GRIK1: variants seen among roughly 807,000 people sequenced by gnomAD.
The protein encoded by GRIK1 is glutamate ionotropic receptor kainate type subunit 1, also known as glutamate receptor ionotropic, kainate 1.
In GRIK1, 69 loss-of-function variants were observed where a neutral mutation model predicts 105.7. That is an observed-to-expected ratio of 0.65 (90% confidence interval 0.54 to 0.80). GRIK1 has a LOEUF of 0.80. GRIK1 is among the 30% of genes least tolerant of loss of function. The pLI, the probability that GRIK1 is intolerant of heterozygous loss-of-function variation, is 0.00. For missense variants in GRIK1, 1,109 were observed against 1,167.3 expected (o/e 0.95, Z 0.73); for synonymous variants, 438 against 431.3 (o/e 1.02, Z -0.19).
chr21:29,780,856 A>T (rs190041286), intron 1 of GRIK1, among the ~76,000 whole-genome samples: 26 of 152,314 alleles, frequency 1.7e-4, no homozygotes, highest in African/African-American at 6.3e-4. Context: ...AGTAAAAATG[A>T]TTAGAGACAA....
At chr21:29,758,795 A>G (rs967372804) in intron 1 of GRIK1, 1 of 152,686 alleles carries the variant, frequency 6.5e-6, no homozygotes, top group African/African-American at 2.4e-5. Flanking sequence ...GTTTAGTGAG[A>G]TAATGGACCC....
At chr21:29,755,822 C>T (rs912407632) in intron 1 of GRIK1, among the ~76,000 whole-genome samples, 1 of 152,156 alleles carries the variant, frequency 6.6e-6, no homozygotes, top group African/African-American at 2.4e-5. Flanking sequence ...GAATTTAACT[C>T]AGTGCCTGGA....
chr21:29,629,929 G>A (rs923619007), intron 7 of GRIK1, among the ~76,000 whole-genome samples: 1 of 152,178 alleles, frequency 6.6e-6, no homozygotes, highest in Non-Finnish European at 1.5e-5. Flanking sequence ...GGCCCTAGGA[G>A]CCTAGCTACT....
chr21:29,853,651 A>T (rs1338343619), intron 1 of GRIK1, among the ~76,000 whole-genome samples: 1 of 152,226 alleles, frequency 6.6e-6, no homozygotes, highest in African/African-American at 2.4e-5. Context: ...ACTCATGGGA[A>T]TGTCTGATTT....
intron 1 of GRIK1, among the ~76,000 whole-genome samples, chr21:29,718,124 C>T (rs1159720672): frequency 6.6e-6 from 1 of 152,150 alleles, no homozygotes; most frequent in East Asian, 1.9e-4. Flanking sequence ...CCTCCTGAGC[C>T]ATGCTAAACT....
intron 16 of GRIK1, among the ~76,000 whole-genome samples, chr21:29,549,056 G>T (rs1200750756): frequency 6.6e-6 from 1 of 152,090 alleles, no homozygotes; most frequent in African/African-American, 2.4e-5. Context: ...TTATAGAGAT[G>T]AGGTCCCACC....
chr21:29,541,619 G>T (rs1468673833), intron 16 of GRIK1, among the ~76,000 whole-genome samples: 1 of 129,766 alleles, frequency 7.7e-6, no homozygotes, highest in African/African-American at 3.3e-5. Flanking sequence ...CAATGAAAAG[G>T]TTGATGGTTC....
intron 1 of GRIK1, among the ~76,000 whole-genome samples, chr21:29,892,707 A>G (rs1250075707): frequency 3.9e-5 from 6 of 152,230 alleles, no homozygotes; most frequent in African/African-American, 1.2e-4. Context: ...TTAGGTCTCT[A>G]TGCCCTTAGA....
chr21:29,815,096 A>C (rs1168146658), intron 1 of GRIK1, among the ~76,000 whole-genome samples: 1 of 152,186 alleles, frequency 6.6e-6, no homozygotes, highest in South Asian at 2.1e-4. Flanking sequence ...CTTCTGGCTT[A>C]TCTACTCTTA....
intron 1 of GRIK1, among the ~76,000 whole-genome samples, chr21:29,910,175 C>T (rs2070766805): frequency 6.6e-6 from 1 of 151,896 alleles, no homozygotes; most frequent in Admixed American, 6.6e-5. Flanking sequence ...TACTATGTAC[C>T]CACAAAAAAT....
intron 14 of GRIK1, among the ~76,000 whole-genome samples, chr21:29,575,724 T>C (rs8133075): frequency 0.036 from 5,500 of 151,970 alleles, 140 homozygotes; most frequent in African/African-American, 0.063. Flanking sequence ...CCCAGCTACT[T>C]GGGAGGCTGA....
intron 1 of GRIK1, among the ~76,000 whole-genome samples, chr21:29,830,361 A>T (rs1312562254): frequency 1.2e-4 from 7 of 57,528 alleles, no homozygotes; most frequent in African/African-American, 1.6e-4. Flanking sequence ...ACACACACAC[A>T]CTCACACACA....
intron 12 of GRIK1, among the ~76,000 whole-genome samples, chr21:29,582,559 T>C (rs1045856911): frequency 6.6e-6 from 1 of 152,170 alleles, no homozygotes. Flanking sequence ...AATAAAAATC[T>C]GTGGAACCAA....
At chr21:29,612,402 A>G (rs904850668) in intron 7 of GRIK1, among the ~76,000 whole-genome samples, 2 of 152,188 alleles carry the variant, frequency 1.3e-5, no homozygotes, top group Admixed American at 6.5e-5. Context: ...CCACATTACC[A>G]TAAGTGTGGG....
chr21:29,885,233 A>C, intron 1 of GRIK1, among the ~76,000 whole-genome samples: 1 of 151,990 alleles, frequency 6.6e-6, no homozygotes, highest in Admixed American at 6.6e-5. Flanking sequence ...TCAGAGTTTC[A>C]TGTCAGGGCA....
At chr21:29,564,128 AT>A (rs1278523146) in intron 14 of GRIK1, among the ~76,000 whole-genome samples, 1 of 152,170 alleles carries the variant, frequency 6.6e-6, no homozygotes, top group African/African-American at 2.4e-5. Context: ...GAAACATTAA[AT>A]TTTTTCACCA....
intron 4 of GRIK1, among the ~76,000 whole-genome samples, chr21:29,667,526 A>G (rs1192364091): frequency 6.6e-6 from 1 of 152,228 alleles, no homozygotes; most frequent in African/African-American, 2.4e-5. Context: ...ATAGCTGTAC[A>G]AACTATTTTG....
chr21:29,748,273 C>T (rs927780817), intron 1 of GRIK1: 10 of 152,208 alleles, frequency 6.6e-5, no homozygotes, highest in African/African-American at 2.4e-4. Flanking sequence ...AAGAGGAAGC[C>T]AAGGTCATCA....
intron 1 of GRIK1, among the ~76,000 whole-genome samples, chr21:29,866,171 A>T (rs548581475): frequency 1.3e-5 from 2 of 152,000 alleles, no homozygotes; most frequent in African/African-American, 4.8e-5. Context: ...GGTTCAATCA[A>T]TCTCCCATCT....
Sources: allele counts gnomAD v4.1 joint callset (sites outside exome capture counted in the v4.1 genomes callset), GRCh38; gene constraint gnomAD v4.1.1; transcripts MANE v1.5; gene names NCBI Gene and HGNC (gene_info 2026-07-23, HGNC 2026-07-21).